The following PLCB1 variants were observed in gnomAD, a reference collection of about 807,000 sequenced individuals.
PLCB1 encodes the protein phospholipase C beta 1.
A neutral mutation model predicts 161.8 loss-of-function variants in PLCB1; 46 were observed. The observed-to-expected ratio is 0.28, with a 90% CI of 0.22 to 0.36. The LOEUF (loss-of-function observed/expected upper bound fraction) is 0.36. Ranked by LOEUF, PLCB1 falls within the 10% of genes least tolerant of loss-of-function variation. The pLI is 1.00. For missense variants in PLCB1, 1,016 were observed against 1,472.5 expected (o/e 0.69, Z 5.07); for synonymous variants, 517 against 503.7 (o/e 1.03, Z -0.35).
chr20:8,357,023 C>T (rs1986384353), intron 2 of PLCB1, among the ~76,000 whole-genome samples: 3 of 152,164 alleles, frequency 2.0e-5, no homozygotes, highest in African/African-American at 7.2e-5. Flanking sequence ...TTACTTTCAT[C>T]TGAGCAAGAA....
intron 27 of PLCB1, among the ~76,000 whole-genome samples, chr20:8,782,013 C>A (rs961153128): frequency 1.3e-5 from 2 of 152,070 alleles, no homozygotes; most frequent in Admixed American, 6.6e-5. Context: ...CTTGGTCAGA[C>A]TTTCACATTC....
At chr20:8,214,796 G>T (rs1007898312) in intron 2 of PLCB1, among the ~76,000 whole-genome samples, 5 of 152,044 alleles carry the variant, frequency 3.3e-5, no homozygotes, top group African/African-American at 1.2e-4. Flanking sequence ...TGATAGTTTT[G>T]GGGGTGTGTG....
intron 3 of PLCB1, among the ~76,000 whole-genome samples, chr20:8,451,303 AGATTT>A (rs1357948275): frequency 1.3e-5 from 2 of 152,150 alleles, no homozygotes; most frequent in Non-Finnish European, 2.9e-5. Context: ...AATGGTAAAT[AGATTT>A]ATTTTTGACT....
chr20:8,816,126 T>G (rs1280271318), intron 31 of PLCB1, among the ~76,000 whole-genome samples: 1 of 151,994 alleles, frequency 6.6e-6, no homozygotes, highest in Non-Finnish European at 1.5e-5. Context: ...GAACTGATCT[T>G]TCAGAAAAAA....
At chr20:8,440,935 A>G (rs1056540125) in intron 3 of PLCB1, among the ~76,000 whole-genome samples, 3 of 152,078 alleles carry the variant, frequency 2.0e-5, no homozygotes, top group African/African-American at 7.2e-5. Context: ...TACAATTATT[A>G]TGTGTCAATT....
chr20:8,333,857 G>C (rs1985460141), intron 2 of PLCB1, among the ~76,000 whole-genome samples: 1 of 152,200 alleles, frequency 6.6e-6, no homozygotes. Context: ...TTTACAACAA[G>C]ACTGTTTTGG....
intron 3 of PLCB1, among the ~76,000 whole-genome samples, chr20:8,454,883 C>T (rs879828876): frequency 1.3e-5 from 2 of 152,080 alleles, no homozygotes; most frequent in Non-Finnish European, 2.9e-5. Flanking sequence ...ATATTTCATG[C>T]ATTTTTATCT....
At chr20:8,147,341 A>T (rs1347507079) in intron 1 of PLCB1, among the ~76,000 whole-genome samples, 1 of 152,226 alleles carries the variant, frequency 6.6e-6, no homozygotes, top group Non-Finnish European at 1.5e-5. Flanking sequence ...ATGGAGAGGT[A>T]AAGGATTAAA....
chr20:8,209,859 A>C (rs1978729369), intron 2 of PLCB1, among the ~76,000 whole-genome samples: 1 of 152,136 alleles, frequency 6.6e-6, no homozygotes. Flanking sequence ...TAGCCACTTC[A>C]ATTTTACTCA....
intron 31 of PLCB1, among the ~76,000 whole-genome samples, chr20:8,824,096 T>C (rs1436951418): frequency 6.6e-6 from 1 of 152,134 alleles, no homozygotes; most frequent in East Asian, 1.9e-4. Context: ...ATGCTACATG[T>C]AGGATAACCA....
intron 11 of PLCB1, among the ~76,000 whole-genome samples, chr20:8,699,417 CT>C (rs1277875927): frequency 6.6e-6 from 1 of 152,162 alleles, no homozygotes; most frequent in East Asian, 1.9e-4. Flanking sequence ...CAACTCTTTT[CT>C]GAATAAGGGT....
chr20:8,795,118 A>G (rs1983953684), intron 31 of PLCB1, among the ~76,000 whole-genome samples: 1 of 152,190 alleles, frequency 6.6e-6, no homozygotes, highest in African/African-American at 2.4e-5. Context: ...TCTGGTCGCT[A>G]TTTGGTAGGG....
chr20:8,139,761 G>C (rs1404704975), intron 1 of PLCB1, among the ~76,000 whole-genome samples: 1 of 152,108 alleles, frequency 6.6e-6, no homozygotes, highest in South Asian at 2.1e-4. Context: ...TCCTCCCCAG[G>C]TGTGCTGTGT....
intron 3 of PLCB1, among the ~76,000 whole-genome samples, chr20:8,422,593 G>A (rs924994076): frequency 3.3e-5 from 5 of 152,234 alleles, no homozygotes; most frequent in South Asian, 4.1e-4. Flanking sequence ...AACGTATAAC[G>A]TTTATCTTAT....
At chr20:8,564,800 C>G (rs1245646906) in intron 3 of PLCB1, among the ~76,000 whole-genome samples, 1 of 152,122 alleles carries the variant, frequency 6.6e-6, no homozygotes, top group Non-Finnish European at 1.5e-5. Context: ...CCATCTAACA[C>G]CAGTTGGAAT....
chr20:8,643,426 C>G (rs182854084), intron 4 of PLCB1, among the ~76,000 whole-genome samples: 1 of 152,278 alleles, frequency 6.6e-6, no homozygotes, highest in Admixed American at 6.5e-5. Context: ...TAGCTCACCT[C>G]TAGTTCTTTT....
At chr20:8,518,408 T>G (rs1012586709) in intron 3 of PLCB1, among the ~76,000 whole-genome samples, 1 of 152,198 alleles carries the variant, frequency 6.6e-6, no homozygotes, top group East Asian at 1.9e-4. Context: ...AGGGGTGGGA[T>G]GTAGGATAGG....
intron 4 of PLCB1, among the ~76,000 whole-genome samples, chr20:8,642,557 A>G (rs1430365190): frequency 6.6e-6 from 1 of 152,232 alleles, no homozygotes; most frequent in African/African-American, 2.4e-5. Flanking sequence ...ACCATTATCA[A>G]TGACAGCAAT....
rs3033840 is a variant in PLCB1 at position 8,759,896 on chromosome 20, A to ATTTTTTT, written c.2657-495_2657-489dup. ...TTATAAATGGGGCATATAATATCAC[A>ATTTTTTT]TTTTTTTTTTTTTTTTTTTTTTGGA... On this transcript the variant is annotated intron_variant, in intron 24 of 31. Transcript: ENST00000338037. 2.2e-3 allele frequency among the ~76,000 whole-genome samples: 169 copies of ATTTTTTT among 78,264 alleles called. 16 individuals are homozygous for ATTTTTTT. Among genetic ancestry groups the ATTTTTTT allele is most frequent in the African/African-American group, 5.6e-3 (109 of 19,566 alleles). The allele number at this position is 78,264 out of a possible 152,430, so 51.3% of individuals were successfully genotyped here.
Sources: allele counts gnomAD v4.1 joint callset (sites outside exome capture counted in the v4.1 genomes callset), GRCh38; gene constraint gnomAD v4.1.1; transcripts MANE v1.5; gene names NCBI Gene and HGNC (gene_info 2026-07-23, HGNC 2026-07-21).